Variants in CAMK2A observed in about 807,000 individuals in gnomAD.
CAMK2A encodes calcium/calmodulin-dependent protein kinase type II subunit alpha.
Under a neutral mutation model 79.2 loss-of-function variants are expected in CAMK2A, and 7 were observed. That is an observed-to-expected ratio of 0.09 (90% CI 0.05 to 0.17). CAMK2A has a LOEUF of 0.17. Among genes scored for constraint, CAMK2A ranks in the 10% least tolerant of loss-of-function variants. The pLI, the probability that CAMK2A is intolerant of heterozygous loss-of-function variation, is 1.00. For synonymous variants in CAMK2A, 242 were observed against 251.7 expected (o/e 0.96, Z 0.36); for missense variants, 214 against 646.4 (o/e 0.33, Z 7.25).
intron 2 of CAMK2A, among the ~76,000 whole-genome samples, chr5:150,269,929 C>T (rs1475778651): frequency 2.6e-5 from 4 of 152,218 alleles, no homozygotes; most frequent in Non-Finnish European, 4.4e-5. Context: ...TCATGCTCCC[C>T]ACCTGGTGCC....
At chr5:150,236,856 T>A (rs551605476) in intron 15 of CAMK2A, among the ~76,000 whole-genome samples, 1 of 152,194 alleles carries the variant, frequency 6.6e-6, no homozygotes, top group African/African-American at 2.4e-5. Flanking sequence ...TTCTTCAAGA[T>A]AGTGTATTTT....
In CAMK2A at chr5:150,223,215, A is replaced by C; in HGVS notation, c.1240T>G (p.Trp414Gly). The stretch of plus-strand genomic sequence containing the variant: ...TGCACGGGCTTGCTGTTCCGGGACC[A>C]CACTGGAGGAGGGGATGGGAGGGGC... ...DFHRFYFENL[W>G]SRNSKPVHTT... The change falls in exon 18 of 19, where the codon TGG (tryptophan) becomes GGG (glycine). Residue 414 changes from tryptophan (W) to glycine (G), a missense_variant and splice_region_variant. Trp to Gly is a radical substitution (Grantham distance 184, BLOSUM62 -2). Transcript: ENST00000671881. This position sits in a 1 kb window ranked among gnomAD's most constrained non-coding sequence, Gnocchi z 4.1. The C allele has an allele frequency of 1.2e-6, 2 of 1,612,984 alleles. No homozygotes were observed. The highest frequency in any genetic ancestry group is 1.7e-6 in the Non-Finnish European group (2 of 1,179,778).
chr5:150,227,487 C>T (rs1754657130), intron 17 of CAMK2A, among the ~76,000 whole-genome samples: 1 of 152,174 alleles, frequency 6.6e-6, no homozygotes, highest in South Asian at 2.1e-4. Context: ...CCTCCCTGTC[C>T]TAAGCTGCAT....
Position 150,256,800 on chromosome 5 carries a change from C to T in CAMK2A, c.304G>A (p.Val102Met). 1 of 1,614,120 alleles carries T rather than the reference C, an allele frequency of 6.2e-7. No homozygotes were observed. The highest frequency in any genetic ancestry group is 8.5e-7 in the Non-Finnish European group (1 of 1,179,996). Reference protein sequence around the residue: ...VTGGELFEDIVAREYYSEADA... With the variant: ...VTGGELFEDIMAREYYSEADA... ...GCCTCACTGTAATACTCCCGGGCCA[C>T]GATATCTTCAAACAGTTCCCCACCA... Residue 102 changes from valine (V) to methionine (M), a missense_variant, in exon 5 of 19, where the codon GTG (valine) becomes ATG (methionine). This residue lies in a region of CAMK2A where 72 missense variants were observed against 333.9 expected (regional missense o/e 0.22). Coordinates refer to ENST00000671881, the MANE Select transcript of CAMK2A (RefSeq NM_015981.4). The surrounding 1 kb of genome is among the most constrained non-coding windows in gnomAD (Gnocchi z 4.6).
chr5:150,263,315 G>C (rs938987592), intron 3 of CAMK2A, among the ~76,000 whole-genome samples: 2 of 152,058 alleles, frequency 1.3e-5, no homozygotes, highest in African/African-American at 4.8e-5. Flanking sequence ...ACCTGAGATA[G>C]CTGCAGTTGT....
At chr5:150,228,730 T>C (rs1171188370) in intron 16 of CAMK2A, among the ~76,000 whole-genome samples, 3 of 152,182 alleles carry the variant, frequency 2.0e-5, no homozygotes, top group African/African-American at 7.2e-5. Context: ...TGCCTTTTCC[T>C]TCACATAAAA....
chr5:150,279,429 T>TA (rs1757117935), intron 1 of CAMK2A, among the ~76,000 whole-genome samples: 2 of 152,046 alleles, frequency 1.3e-5, no homozygotes, highest in African/African-American at 4.8e-5. Flanking sequence ...ATACGGATAA[T>TA]AATAGTACCA....
rs914866203 is a variant in CAMK2A at position 150,220,797 on chromosome 5, T to G, written c.*1913A>C. The G allele has an allele frequency of 2.0e-5, 3 of 152,066 alleles. No homozygotes were observed. Among genetic ancestry groups the G allele is most frequent in the Non-Finnish European group, 4.4e-5 (3 of 68,028 alleles). 9.4% of individuals were successfully genotyped at this position (152,066 alleles called of 1,614,324 possible). A position where few individuals can be genotyped will look rare whatever the true frequency, so the allele number is the denominator to read the frequency against. Reference sequence around the variant, plus strand: ...GAAACCAGGAGGCCTGGGCAGCATCTCTCCTGGCCTGCAGACCTGGCGTTG... The same window carrying G: ...GAAACCAGGAGGCCTGGGCAGCATCGCTCCTGGCCTGCAGACCTGGCGTTG... On this transcript the variant is annotated 3_prime_UTR_variant, in exon 19 of 19. Coordinates refer to ENST00000671881, the MANE Select transcript of CAMK2A (RefSeq NM_015981.4).
chr5:150,268,161 G>A (rs116549627), intron 2 of CAMK2A, among the ~76,000 whole-genome samples: 7,186 of 151,958 alleles, frequency 0.047, 347 homozygotes, highest in African/African-American at 0.12. Flanking sequence ...TACCGTGCCC[G>A]GACCCACCAA....
Position 150,238,690 on chromosome 5 carries a change from C to A in CAMK2A, c.1066+10G>T. ...TCTAAGGGGTCCCGACACTGAAGGC[C>A]CCTCCCTACCTTTGGTGTCTTCATC... On this transcript the variant is annotated intron_variant, in intron 15 of 18. Transcript: ENST00000671881. The A allele has an allele frequency of 6.2e-7, 1 of 1,602,118 alleles. No homozygotes were observed. The highest frequency in any genetic ancestry group is 2.2e-5 in the East Asian group (1 of 44,592).
chr5:150,288,148 T>C (rs998225057), intron 1 of CAMK2A, among the ~76,000 whole-genome samples: 2 of 152,064 alleles, frequency 1.3e-5, no homozygotes, highest in Non-Finnish European at 2.9e-5. Context: ...CCTGTGTGCA[T>C]GACCCCAGTC....
chr5:150,238,587 C>G, intron 15 of CAMK2A, 113 bp downstream of exon 15: 2 of 1,050,412 alleles, frequency 1.9e-6, no homozygotes, highest in Non-Finnish European at 2.9e-6. Flanking sequence ...GCGAAGCTCT[C>G]TGTAGATGAG....
chr5:150,231,589 A>G (rs1372393524), intron 15 of CAMK2A, among the ~76,000 whole-genome samples: 2 of 146,038 alleles, frequency 1.4e-5, no homozygotes, highest in Non-Finnish European at 3.0e-5. Flanking sequence ...CCCATTTCAC[A>G]GAAGAAACTG....
At position 150,265,058 on chromosome 5, in the gene CAMK2A, C is replaced by A. The variant is rs756184266; in HGVS notation, c.158-43G>T. On this transcript the variant is annotated intron_variant, in intron 2 of 18. Coordinates refer to ENST00000671881, the MANE Select transcript of CAMK2A (RefSeq NM_015981.4). The stretch of plus-strand genomic sequence containing the variant: ...ATGTGAGTCCCCGGTGAGGAAGGAA[C>A]CATTACCCTCCATCTCCCCCTTCTC... 2.9e-6 allele frequency: 4 copies of A among 1,378,358 alleles called. No homozygotes were observed. The East Asian group carries it at 6.9e-5, about 24-fold the overall frequency. 85.4% of individuals were successfully genotyped at this position (1,378,358 alleles called of 1,614,324 possible). A position where few individuals can be genotyped will look rare whatever the true frequency, so the allele number is the denominator to read the frequency against.
rs1754288791 is a variant in CAMK2A at position 150,221,173 on chromosome 5, CTTTTT to C, written c.*1532_*1536del. On this transcript the variant is annotated 3_prime_UTR_variant, in exon 19 of 19. Coordinates refer to ENST00000671881, the MANE Select transcript of CAMK2A (RefSeq NM_015981.4). ...GATTGGTTTTGTTGAGTGTTTTCTTCTTTTTGTTTGTTTTCAACATACTTACTGCG... is the reference window on the plus strand; with the variant it reads ...GATTGGTTTTGTTGAGTGTTTTCTTCGTTTGTTTTCAACATACTTACTGCG... 1 of 340,716 alleles carries C rather than the reference CTTTTT, an allele frequency of 2.9e-6. No individual in the cohort carries two copies. Among genetic ancestry groups the C allele is most frequent in the Admixed American group, 4.8e-5 (1 of 20,892 alleles). 21.1% of individuals were successfully genotyped at this position (340,716 alleles called of 1,614,324 possible).
rs1047527173 is a variant in CAMK2A at position 150,238,626 on chromosome 5, G to C, written c.1066+74C>G. The C allele has an allele frequency of 7.8e-6, 11 of 1,403,238 alleles. No homozygotes were observed. The African/African-American group carries it at 1.4e-4, about 18-fold the overall frequency. The allele number at this position is 1,403,238 out of a possible 1,614,324, so 86.9% of individuals were successfully genotyped here. On this transcript the variant is annotated intron_variant, in intron 15 of 18. Coordinates refer to ENST00000671881, the MANE Select transcript of CAMK2A (RefSeq NM_015981.4). ...GAAATGAGGTTGGCACGTGGGAGCTGTCAGGAAAAAGAGGTCTGCTCAGAG... is the reference window on the plus strand; with the variant it reads ...GAAATGAGGTTGGCACGTGGGAGCTCTCAGGAAAAAGAGGTCTGCTCAGAG...
chr5:150,233,891 C>A (rs995167600), intron 15 of CAMK2A, among the ~76,000 whole-genome samples: 1 of 152,220 alleles, frequency 6.6e-6, no homozygotes, highest in African/African-American at 2.4e-5. Context: ...CAGCTCACTG[C>A]AACCTCCCCC....
At chr5:150,266,346 A>C (rs1756513685) in intron 2 of CAMK2A, among the ~76,000 whole-genome samples, 1 of 152,242 alleles carries the variant, frequency 6.6e-6, no homozygotes, top group Non-Finnish European at 1.5e-5. Flanking sequence ...AGCCTGAACA[A>C]GCTGAAGCCT....
intron 18 of CAMK2A, 64 bp from the exon 19 acceptor site, chr5:150,222,777 C>G: frequency 1.2e-6 from 2 of 1,604,198 alleles, no homozygotes; most frequent in Non-Finnish European, 8.5e-7. Flanking sequence ...ACCCACCCAC[C>G]CTGCCGCTTT....
Sources: gnomAD v4.1 joint callset for allele counts (sites outside exome capture counted in the v4.1 genomes callset) on GRCh38, gnomAD v4.1.1 for gene constraint, gnomAD v4.1.1 regional missense constraint, Gnocchi (gnomAD v3.1) non-coding constraint, MANE v1.5 for transcripts, NCBI Gene and HGNC (gene_info 2026-07-23, HGNC 2026-07-21) for gene names.